DENND2D: variants seen among roughly 807,000 people sequenced by gnomAD.
DENND2D encodes DENN domain containing 2D.
In DENND2D, 37 loss-of-function variants were observed where a neutral mutation model predicts 59.8. That is an observed-to-expected ratio of 0.62 (90% CI 0.48 to 0.81). The LOEUF (loss-of-function observed/expected upper bound fraction) is 0.81, where lower values mean the gene tolerates loss of function less well. DENND2D is among the 40% of genes least tolerant of loss of function. The pLI is 0.00. For missense variants in DENND2D, 525 were observed against 579.7 expected (o/e 0.91, Z 0.97); for synonymous variants, 219 against 211.3 (o/e 1.04, Z -0.31).
chr1:111,197,554 C>G, intron 4 of DENND2D: 11 of 1,366,884 alleles, frequency 8.0e-6, no homozygotes, highest in Non-Finnish European at 1.0e-5. Context: ...GTAAAGGTGA[C>G]TTGGGGAATC....
chr1:111,196,981 C>A, intron 5 of DENND2D, 195 bp downstream of exon 5: 1 of 611,730 alleles, frequency 1.6e-6, no homozygotes, highest in Non-Finnish European at 2.8e-6. Flanking sequence ...TGCAAGAGGT[C>A]CAGTCCCCTA....
At chr1:111,196,283 G>A in intron 5 of DENND2D, 1 of 454,192 alleles carries the variant, frequency 2.2e-6, no homozygotes. Context: ...CCTTCTTCCA[G>A]CTTCCTTTTT....
chr1:111,204,484 G>T, upstream of DENND2D: 1 of 1,014,518 alleles, frequency 9.9e-7, no homozygotes, highest in Non-Finnish European at 1.3e-6. Flanking sequence ...GGGCGGCGCG[G>T]CGCACCTTCC....
intron 5 of DENND2D, chr1:111,196,915 C>T (rs1197634065): frequency 1.4e-5 from 6 of 429,296 alleles, no homozygotes; most frequent in Non-Finnish European, 2.6e-5. Flanking sequence ...GTTTCTTCTG[C>T]TTGTCCTACT....
At chr1:111,197,036 G>T (rs1658297979) in intron 5 of DENND2D, 140 bp downstream of exon 5, 1 of 949,204 alleles carries the variant, frequency 1.1e-6, no homozygotes, top group Non-Finnish European at 1.6e-6. Flanking sequence ...ATGCCCCTTT[G>T]CCTCAGTTTT....
In DENND2D at chr1:111,188,760, T is replaced by C; in HGVS notation, c.1041A>G (p.Pro347=). 6.2e-7 allele frequency: 1 copy of C among 1,614,044 alleles called. No homozygotes were observed. The highest frequency in any genetic ancestry group is 1.6e-4 in the Middle Eastern group (1 of 6,062). ...CTAAGATGTCATCCTGAAGCTTCGG[T>C]GGCAGGATGTCTTTTTCATCACCAA... ...MSVGDEKDIL[P]PKLQDDILDS... The change falls in exon 10 of 12, where the codon CCA becomes CCG. Residue 347 remains proline, a synonymous_variant. Coordinates refer to ENST00000357640, the MANE Select transcript of DENND2D (RefSeq NM_024901.5).
Position 111,187,368 on chromosome 1 carries a change from A to T in DENND2D, c.*237T>A. 1.9e-6 allele frequency: 1 copy of T among 523,694 alleles called. No individual in the cohort carries two copies. The highest frequency in any genetic ancestry group is 1.9e-5 in the African/African-American group (1 of 52,560). 32.4% of individuals were successfully genotyped at this position (523,694 alleles called of 1,614,324 possible). A position where few individuals can be genotyped will look rare whatever the true frequency, so the allele number is the denominator to read the frequency against. ...TTTCCTACCTGTGTCACCTCTGCAA[A>T]AAATGGAGCTCTGAGCCCAGTTCTG... is the stretch of plus-strand genomic sequence containing the variant. On this transcript the variant is annotated 3_prime_UTR_variant, in exon 12 of 12. Transcript: ENST00000357640.
chr1:111,192,421 GC>G lies in DENND2D; in HGVS notation c.795-105del. On this transcript the variant is annotated intron_variant, in intron 7 of 11. Transcript: ENST00000357640. ...CAGCAGCTAGAGCAGTGCTGCCCAT[GC>G]CCATGGGCAGAAAGGCAAGTCTGGG... 2.4e-6 allele frequency: 3 copies of G among 1,246,182 alleles called. No individual in the cohort carries two copies. The South Asian group carries it at 7.6e-5, about 31-fold the overall frequency. The allele number at this position is 1,246,182 out of a possible 1,614,324, so 77.2% of individuals were successfully genotyped here.
chr1:111,197,349 G>A, intron 4 of DENND2D, 96 bp from the exon 5 acceptor site: 3 of 1,526,360 alleles, frequency 2.0e-6, no homozygotes. Flanking sequence ...GGCTGGGGAG[G>A]GGGATTTATG....
intron 5 of DENND2D, 196 bp from the exon 6 acceptor site, chr1:111,196,252 T>A: frequency 1.8e-6 from 1 of 559,374 alleles, no homozygotes; most frequent in South Asian, 2.6e-5. Flanking sequence ...AATCTGCAGT[T>A]TATCTCCCAC....
chr1:111,202,067 C>T (rs1658860062), upstream of DENND2D, among the ~76,000 whole-genome samples: 1 of 152,136 alleles, frequency 6.6e-6, no homozygotes, highest in African/African-American at 2.4e-5. Context: ...AGGAAAGCTC[C>T]AAATCCATGC....
intron 4 of DENND2D, chr1:111,197,706 C>T: frequency 7.1e-7 from 1 of 1,417,454 alleles, no homozygotes; most frequent in Non-Finnish European, 9.2e-7. Context: ...GAGCACAGAC[C>T]AGAGCCTGAC....
rs755172539 is a variant in DENND2D at position 111,188,223 on chromosome 1, T to C, written c.1247A>G (p.Lys416Arg). 1.2e-6 allele frequency: 2 copies of C among 1,614,094 alleles called. No homozygotes were observed. Among genetic ancestry groups the C allele is most frequent in the African/African-American group, 2.7e-5 (2 of 74,926 alleles). Residue 416 changes from lysine (K) to arginine (R), a missense_variant, in exon 11 of 12, where the codon AAG (lysine) becomes AGG (arginine). Physicochemically the swap from Lys to Arg is conservative, Grantham distance 26. This residue lies in a region of DENND2D where 225 missense variants were observed against 252.4 expected (regional missense o/e 0.89). Transcript: ENST00000357640. ...ERSFCKALTS[K>R]TNRRFVKKFV... is the part of the protein sequence containing the mutation. ...CTTCTTCACAAATCGGCGGTTGGTC[T>C]TGGAGGTCAGAGCCTTACAGAAGGA...
chr1:111,188,449 T>C (rs1657427443), intron 10 of DENND2D, 79 bp from the exon 11 acceptor site: 2 of 1,567,212 alleles, frequency 1.3e-6, no homozygotes, highest in South Asian at 2.4e-5. Flanking sequence ...AATGGCTTTC[T>C]TGCAGGCGGA....
chr1:111,198,667 C>G lies in DENND2D; in HGVS notation c.319G>C (p.Asp107His). The G allele has an allele frequency of 6.2e-7, 1 of 1,614,196 alleles. No homozygotes were observed. The highest frequency in any genetic ancestry group is 8.5e-7 in the Non-Finnish European group (1 of 1,180,036). ...GTGAGTGATGCCCACTCATTCCCAT[C>G]TGGGAAGCAGAACAAGGGGATAGCT... ...LKAIPLFCFPDGNEWASLTEY... is the reference protein window; with the variant it reads ...LKAIPLFCFPHGNEWASLTEY... Residue 107 changes from aspartate to histidine, a missense_variant, in exon 3 of 12, where the codon GAT becomes CAT. This residue lies in a region of DENND2D where 253 missense variants were observed against 246.4 expected (regional missense o/e 1.03). Coordinates refer to ENST00000357640, the MANE Select transcript of DENND2D (RefSeq NM_024901.5).
At chr1:111,197,065 C>T in intron 5 of DENND2D, 111 bp downstream of exon 5, 2 of 1,260,758 alleles carry the variant, frequency 1.6e-6, no homozygotes, top group Non-Finnish European at 1.1e-6. Flanking sequence ...TGCTTTAATG[C>T]TGACTCTGGC....
intron 1 of DENND2D, 123 bp downstream of exon 1, chr1:111,200,270 A>G (rs1332862315): frequency 7.3e-7 from 1 of 1,360,974 alleles, no homozygotes; most frequent in African/African-American, 1.4e-5. Context: ...TGACCCAGTC[A>G]CATGGGGAAC....
At position 111,187,325 on chromosome 1, in the gene DENND2D, A is replaced by G. The variant is rs1361194854; in HGVS notation, c.*280T>C. The G allele has an allele frequency of 1.2e-5, 5 of 426,550 alleles. No homozygotes were observed. The highest frequency in any genetic ancestry group is 3.5e-5 in the Admixed American group (1 of 28,516). The allele number at this position is 426,550 out of a possible 1,614,324, so 26.4% of individuals were successfully genotyped here. ...TGCAGCAGCTTCTAACCAAGTGTCT[A>G]CAACACATGTACTACTGTTTCCTAC... On this transcript the variant is annotated 3_prime_UTR_variant, in exon 12 of 12. Coordinates refer to ENST00000357640, the MANE Select transcript of DENND2D (RefSeq NM_024901.5).
upstream of DENND2D, chr1:111,204,026 CG>C: frequency 2.3e-6 from 1 of 433,692 alleles, no homozygotes; most frequent in Non-Finnish European, 4.1e-6. Flanking sequence ...CACGTGGCCC[CG>C]GGGCCCCACA....
Sources: gnomAD v4.1 joint callset for allele counts (sites outside exome capture counted in the v4.1 genomes callset) on GRCh38, gnomAD v4.1.1 for gene constraint, gnomAD v4.1.1 regional missense constraint, MANE v1.5 for transcripts, NCBI Gene and HGNC (gene_info 2026-07-23, HGNC 2026-07-21) for gene names.